SLC2A12: variants seen among roughly 807,000 people sequenced by gnomAD.
SLC2A12 encodes the protein solute carrier family 2, facilitated glucose transporter member 12.
A neutral mutation model predicts 41.8 loss-of-function variants in SLC2A12; 23 were observed. The observed-to-expected ratio is 0.55, with a 90% CI of 0.40 to 0.78. SLC2A12 has a LOEUF of 0.78. SLC2A12 is among the 30% of genes least tolerant of loss of function. SLC2A12 has a pLI of 0.00. For missense variants in SLC2A12, 654 were observed against 745.6 expected (o/e 0.88, Z 1.43); for synonymous variants, 295 against 285.9 (o/e 1.03, Z -0.32).
intron 1 of SLC2A12, among the ~76,000 whole-genome samples, chr6:134,049,057 T>C (rs186115356): frequency 6.6e-6 from 1 of 152,292 alleles, no homozygotes; most frequent in East Asian, 1.9e-4. Context: ...TCTTACATAC[T>C]CACCACCTGC....
Position 134,002,255 on chromosome 6 carries a change from A to G in SLC2A12, c.1568-126T>C, listed in dbSNP as rs888688615. ...CAAACATGCCAGCAGTATCCAGGAA[A>G]ATAGAAATCACAAATTTAAAATGTA... is the stretch of plus-strand genomic sequence containing the variant. On this transcript the variant is annotated intron_variant, in intron 3 of 4. Coordinates refer to ENST00000275230, the MANE Select transcript of SLC2A12 (RefSeq NM_145176.3). The G allele has an allele frequency of 2.6e-5, 27 of 1,037,374 alleles. No individual in the cohort carries two copies. In the African/African-American group the frequency reaches 4.3e-4, roughly 16 times the overall value. 64.3% of individuals were successfully genotyped at this position (1,037,374 alleles called of 1,614,324 possible).
intron 1 of SLC2A12, among the ~76,000 whole-genome samples, chr6:134,036,782 A>C (rs545298194): frequency 1.2e-3 from 190 of 152,312 alleles, no homozygotes; most frequent in African/African-American, 4.4e-3. Context: ...TAGCAACTGA[A>C]TAGCAATCCA....
intron 2 of SLC2A12, among the ~76,000 whole-genome samples, chr6:134,022,795 C>A (rs1777062767): frequency 6.6e-6 from 1 of 152,170 alleles, no homozygotes; most frequent in Admixed American, 6.5e-5. Flanking sequence ...AAAATGGAGT[C>A]AGGAGGGCAA....
intron 2 of SLC2A12, among the ~76,000 whole-genome samples, chr6:134,022,554 A>AAAAG (rs927288515): frequency 1.7e-4 from 9 of 53,886 alleles, no homozygotes; most frequent in Admixed American, 1.3e-3. Context: ...AAAAGAAAAG[A>AAAAG]AAAGAAAAGA....
intron 4 of SLC2A12, among the ~76,000 whole-genome samples, chr6:133,995,038 C>G (rs761827978): frequency 6.6e-6 from 1 of 152,086 alleles, no homozygotes; most frequent in Admixed American, 6.6e-5. Context: ...ATTTCAGGAG[C>G]GGAGTGGCCA....
chr6:134,020,838 T>C (rs1036308329), intron 2 of SLC2A12, among the ~76,000 whole-genome samples: 10 of 152,200 alleles, frequency 6.6e-5, no homozygotes, highest in African/African-American at 2.4e-4. Flanking sequence ...GATCCAAACT[T>C]CCTTCAACCC....
In SLC2A12 at chr6:134,028,378, T is replaced by C; in HGVS notation, c.1444+3A>G. 1 of 1,599,686 alleles carries C rather than the reference T, an allele frequency of 6.3e-7. No homozygotes were observed. Among genetic ancestry groups the C allele is most frequent in the Admixed American group, 1.7e-5 (1 of 58,118 alleles). On this transcript the variant is annotated splice_donor_region_variant and intron_variant, in intron 2 of 4. Transcript: ENST00000275230. Reference sequence around the variant, plus strand: ...GCAATACATTAAAGAATAAAGTACTTACTTGGTCCTAGACCAATTGAAAAA... The same window carrying C: ...GCAATACATTAAAGAATAAAGTACTCACTTGGTCCTAGACCAATTGAAAAA...
intron 1 of SLC2A12, among the ~76,000 whole-genome samples, chr6:134,032,792 T>TTACATA (rs1777238628): frequency 7.2e-6 from 1 of 138,024 alleles, no homozygotes; most frequent in Non-Finnish European, 1.5e-5. Flanking sequence ...TATATATATA[T>TTACATA]TATATATATA....
intron 2 of SLC2A12, among the ~76,000 whole-genome samples, chr6:134,013,091 A>C (rs1776909445): frequency 6.6e-6 from 1 of 152,182 alleles, no homozygotes; most frequent in Non-Finnish European, 1.5e-5. Flanking sequence ...TTAAGCTGGA[A>C]AGTCTTTTAT....
intron 1 of SLC2A12, among the ~76,000 whole-genome samples, chr6:134,043,599 C>T (rs1582627532): frequency 6.6e-6 from 1 of 152,004 alleles, no homozygotes; most frequent in Non-Finnish European, 1.5e-5. Context: ...TCAAGACCAT[C>T]TGGCTAACAT....
chr6:134,025,685 A>G (rs866879218), intron 2 of SLC2A12, among the ~76,000 whole-genome samples: 3 of 152,264 alleles, frequency 2.0e-5, no homozygotes, highest in Non-Finnish European at 2.9e-5. Context: ...AGCTGGGATT[A>G]CAACTGTGTG....
rs1415416078 is a variant in SLC2A12 at position 133,988,633 on chromosome 6, C to G, written c.*2522G>C. ...TTTTCTTCTCAATGCCTTCCCTAAC[C>G]TCCTGCTTATTCCAAAGTGGAAAGC... On this transcript the variant is annotated 3_prime_UTR_variant, in exon 5 of 5. Coordinates refer to ENST00000275230, the MANE Select transcript of SLC2A12 (RefSeq NM_145176.3). 1 of 151,790 alleles carries G rather than the reference C, an allele frequency of 6.6e-6. No homozygotes were observed. Among genetic ancestry groups the G allele is most frequent in the Non-Finnish European group, 1.5e-5 (1 of 68,022 alleles). The allele number at this position is 151,790 out of a possible 1,614,324, so 9.4% of individuals were successfully genotyped here. A position where few individuals can be genotyped will look rare whatever the true frequency, so the allele number is the denominator to read the frequency against.
Position 133,991,287 on chromosome 6 carries a change from A to C in SLC2A12, c.1722T>G (p.Ile574Met). Residue 574 changes from isoleucine (I) to methionine (M), a missense_variant, in exon 5 of 5, where the codon ATT becomes ATG. Ile to Met is a conservative substitution (Grantham distance 10, BLOSUM62 1). Coordinates refer to ENST00000275230, the MANE Select transcript of SLC2A12 (RefSeq NM_145176.3). Reference protein sequence around the residue: ...LAKVNYVKNNICFMSHHQEEL... With the variant: ...LAKVNYVKNNMCFMSHHQEEL... Reference sequence around the variant, plus strand: ...CTTCTTGGTGATGACTCATAAAACAAATGTTGTTTTTCACATAGTTCCTGA... The same window carrying C: ...CTTCTTGGTGATGACTCATAAAACACATGTTGTTTTTCACATAGTTCCTGA... 4.3e-6 allele frequency: 7 copies of C among 1,613,356 alleles called. No individual in the cohort carries two copies. Among genetic ancestry groups the C allele is most frequent in the Non-Finnish European group, 5.9e-6 (7 of 1,179,834 alleles).
chr6:134,010,600 A>G (rs1776867144), intron 2 of SLC2A12, among the ~76,000 whole-genome samples: 1 of 152,154 alleles, frequency 6.6e-6, no homozygotes, highest in African/African-American at 2.4e-5. Flanking sequence ...GCAATAATGG[A>G]GGAAGTTTTG....
intron 4 of SLC2A12, 43 bp from the exon 5 acceptor site, chr6:133,991,351 T>G (rs1416308512): frequency 6.3e-7 from 1 of 1,590,006 alleles, no homozygotes; most frequent in Non-Finnish European, 8.5e-7. Flanking sequence ...ATTCTTAGTT[T>G]ACATGAAAAA....
intron 2 of SLC2A12, among the ~76,000 whole-genome samples, chr6:134,017,613 G>A (rs1383360320): frequency 2.0e-5 from 3 of 152,104 alleles, no homozygotes; most frequent in African/African-American, 7.2e-5. Context: ...AGCACTTTGG[G>A]AGGCCGAGGA....
chr6:134,022,568 GAAAA>G (rs1777059222), intron 2 of SLC2A12, among the ~76,000 whole-genome samples: 2 of 83,720 alleles, frequency 2.4e-5, no homozygotes, highest in Non-Finnish European at 4.5e-5. Flanking sequence ...GAAAAGAAAA[GAAAA>G]GAAAAGAAAA....
chr6:134,046,491 A>G (rs1007584013), intron 1 of SLC2A12, among the ~76,000 whole-genome samples: 1 of 152,162 alleles, frequency 6.6e-6, no homozygotes, highest in Non-Finnish European at 1.5e-5. Flanking sequence ...TCTTACTATT[A>G]TTTCTACTAA....
chr6:134,019,463 G>A (rs532980175), intron 2 of SLC2A12, among the ~76,000 whole-genome samples: 9 of 152,212 alleles, frequency 5.9e-5, no homozygotes, highest in African/African-American at 1.9e-4. Flanking sequence ...TTATTAAAGG[G>A]AGCTGAAGTG....
Sources: allele counts gnomAD v4.1 joint callset (sites outside exome capture counted in the v4.1 genomes callset), GRCh38; gene constraint gnomAD v4.1.1; transcripts MANE v1.5; gene names NCBI Gene and HGNC (gene_info 2026-07-23, HGNC 2026-07-21).